Variants in TBC1D5 observed in about 807,000 individuals in gnomAD.
TBC1D5 encodes TBC1 domain family member 5.
A neutral mutation model predicts 100.3 loss-of-function variants in TBC1D5; 75 were observed. That is an observed-to-expected ratio of 0.75 (90% CI 0.62 to 0.91). The LOEUF (loss-of-function observed/expected upper bound fraction) is 0.91. Ranked by LOEUF, TBC1D5 falls within the 40% of genes least tolerant of loss-of-function variation. TBC1D5 has a pLI of 0.00. For synonymous variants in TBC1D5, 323 were observed against 325.6 expected, an observed-to-expected ratio of 0.99 and a Z score of 0.09; for missense variants, 910 against 942.4, an observed-to-expected ratio of 0.97 and a Z score of 0.45.
chr3:17,365,886 C>T (rs368192231), intron 13 of TBC1D5, among the ~76,000 whole-genome samples: 14 of 152,316 alleles, frequency 9.2e-5, no homozygotes, highest in African/African-American at 2.9e-4. Context: ...CCTGGCTCAG[C>T]TTCTTGGTAA....
At position 17,483,001 on chromosome 3, in the gene TBC1D5, T is replaced by C. The variant is rs148952556; in HGVS notation, c.97+25473A>G. Reference sequence around the variant, plus strand: ...AGCCTAAGCACAGGCTTATTTTTCTTTGTTAAAAGGCCAGATTGTGCATAA... The same window carrying C: ...AGCCTAAGCACAGGCTTATTTTTCTCTGTTAAAAGGCCAGATTGTGCATAA... On this transcript the variant is annotated intron_variant, in intron 3 of 21. Coordinates refer to ENST00000253692, the Ensembl canonical transcript of TBC1D5. 4.6e-5 allele frequency among the ~76,000 whole-genome samples: 7 copies of C among 152,306 alleles called. No homozygotes were observed. In the East Asian group the frequency reaches 1.2e-3, roughly 25 times the overall value.
Position 17,280,121 on chromosome 3 carries a change from T to C in TBC1D5, c.1245+11774A>G, listed in dbSNP as rs191252171. 1.1e-4 allele frequency among the ~76,000 whole-genome samples: 16 copies of C among 152,330 alleles called. No individual in the cohort carries two copies. In the Middle Eastern group the frequency reaches 0.01, roughly 97 times the overall value. On this transcript the variant is annotated intron_variant, in intron 15 of 21. Coordinates refer to ENST00000253692, the Ensembl canonical transcript of TBC1D5. ...AAACATTGTCTTCACGGAGTTGATA[T>C]AATGTCACGGAAAGACAGACAATAG...
intron 15 of TBC1D5, among the ~76,000 whole-genome samples, chr3:17,278,121 A>G (rs907046846): frequency 6.6e-6 from 1 of 152,238 alleles, no homozygotes; most frequent in African/African-American, 2.4e-5. Flanking sequence ...AAAAGCATCA[A>G]GTTTACCAGA....
At chr3:17,704,594 C>CG (rs1553924656) in intron 1 of TBC1D5, among the ~76,000 whole-genome samples, 1 of 74,500 alleles carries the variant, frequency 1.3e-5, no homozygotes, top group Non-Finnish European at 2.7e-5. Context: ...GCTGGCCGGG[C>CG]GGGGGGCCGA....
chr3:17,282,265 C>G (rs1256557448), intron 15 of TBC1D5, among the ~76,000 whole-genome samples: 1 of 152,202 alleles, frequency 6.6e-6, no homozygotes, highest in African/African-American at 2.4e-5. Context: ...ATAACACATT[C>G]ATTTCGCTGT....
chr3:17,383,992 T>C (rs1304625011), exon 9 of TBC1D5: 2 of 1,597,762 alleles, frequency 1.3e-6, no homozygotes. Flanking sequence ...ATTTTCTTGC[T>C]GGAAAAACTG....
At chr3:17,649,895 A>T (rs1375989472) in intron 1 of TBC1D5, among the ~76,000 whole-genome samples, 2 of 152,308 alleles carry the variant, frequency 1.3e-5, no homozygotes, top group African/African-American at 4.8e-5. Flanking sequence ...AACCAACCCA[A>T]ATGTCCATCA....
At chr3:17,697,218 C>T (rs570995449) in intron 1 of TBC1D5, among the ~76,000 whole-genome samples, 2 of 152,188 alleles carry the variant, frequency 1.3e-5, no homozygotes, top group African/African-American at 4.8e-5. Context: ...CCTCTCTCAC[C>T]ACTCGTATTC....
At chr3:17,198,054 T>A (rs569150688) in intron 18 of TBC1D5, among the ~76,000 whole-genome samples, 2 of 152,228 alleles carry the variant, frequency 1.3e-5, no homozygotes, top group Admixed American at 1.3e-4. Context: ...AAAGAACAGT[T>A]CTGAAGACGA....
chr3:17,373,845 A>AG (rs1412344570), intron 12 of TBC1D5, among the ~76,000 whole-genome samples: 15 of 152,114 alleles, frequency 9.9e-5, no homozygotes, highest in Admixed American at 9.8e-4. Context: ...CAGGGCCTGT[A>AG]GGAACAGGGA....
chr3:17,182,417 C>T (rs1292974836), intron 19 of TBC1D5, among the ~76,000 whole-genome samples: 2 of 152,184 alleles, frequency 1.3e-5, no homozygotes, highest in African/African-American at 4.8e-5. Flanking sequence ...TTTCCCCCTC[C>T]CATGCAATGA....
At chr3:17,727,353 C>T (rs2076212190) in intron 1 of TBC1D5, among the ~76,000 whole-genome samples, 1 of 152,240 alleles carries the variant, frequency 6.6e-6, no homozygotes, top group Admixed American at 6.5e-5. Flanking sequence ...TGCACTCTAG[C>T]CTGGGTGACA....
chr3:17,453,196 G>A (rs2094970084), intron 3 of TBC1D5, among the ~76,000 whole-genome samples: 1 of 151,380 alleles, frequency 6.6e-6, no homozygotes, highest in Admixed American at 6.6e-5. Context: ...AGCTGTAAGT[G>A]CCTACATCAA....
At chr3:17,533,000 A>C (rs2096246951) in intron 2 of TBC1D5, among the ~76,000 whole-genome samples, 2 of 151,698 alleles carry the variant, frequency 1.3e-5, no homozygotes, top group Non-Finnish European at 2.9e-5. Context: ...ATTAAAAAAA[A>C]AAAATTTGAT....
At chr3:17,507,701 C>T (rs1316442030) in intron 3 of TBC1D5, among the ~76,000 whole-genome samples, 1 of 152,142 alleles carries the variant, frequency 6.6e-6, no homozygotes, top group Non-Finnish European at 1.5e-5. Context: ...ATGTCACAAT[C>T]TTGATACCTG....
intron 2 of TBC1D5, among the ~76,000 whole-genome samples, chr3:17,537,274 G>T (rs1036973915): frequency 6.6e-6 from 1 of 152,188 alleles, no homozygotes; most frequent in Non-Finnish European, 1.5e-5. Flanking sequence ...CTGTTTGTAG[G>T]ATGTGGCTTA....
intron 3 of TBC1D5, among the ~76,000 whole-genome samples, chr3:17,444,387 T>C (rs1217919821): frequency 6.6e-6 from 1 of 152,078 alleles, no homozygotes; most frequent in South Asian, 2.1e-4. Flanking sequence ...ATTATATTAT[T>C]TCATTGTATT....
intron 2 of TBC1D5, among the ~76,000 whole-genome samples, chr3:17,616,345 T>A (rs1462258576): frequency 6.6e-6 from 1 of 152,194 alleles, no homozygotes; most frequent in African/African-American, 2.4e-5. Context: ...AATATGGTGC[T>A]TAGAAGAATG....
chr3:17,166,748 T>G lies in TBC1D5; in HGVS notation c.2094+19A>C, dbSNP rs2066640469. Reference sequence around the variant, plus strand: ...GCTCCCTTTGAGTTAATGTAACATGTTCCTCAGAGTTTCTGTACCTGTTTA... The same window carrying G: ...GCTCCCTTTGAGTTAATGTAACATGGTCCTCAGAGTTTCTGTACCTGTTTA... On this transcript the variant is annotated intron_variant, in intron 21 of 21. Transcript: ENST00000253692. 6.3e-7 allele frequency: 1 copy of G among 1,594,820 alleles called. No individual in the cohort carries two copies. The highest frequency in any genetic ancestry group is 8.5e-7 in the Non-Finnish European group (1 of 1,172,330).
Sources: allele counts gnomAD v4.1 joint callset (sites outside exome capture counted in the v4.1 genomes callset), GRCh38; gene constraint gnomAD v4.1.1; transcripts MANE v1.5; gene names NCBI Gene and HGNC (gene_info 2026-07-23, HGNC 2026-07-21).